Variants in MYO3B observed in about 807,000 individuals in gnomAD.
MYO3B encodes myosin IIIB, also known as myosin-IIIb.
MYO3B carries 156 observed loss-of-function variants against 174.6 expected under a neutral mutation model. The ratio of observed to expected loss-of-function variants is 0.89; its 90% CI spans 0.78 to 1.02. MYO3B has a LOEUF of 1.02. Among genes scored for constraint, MYO3B ranks in the 50% least tolerant of loss-of-function variants. The pLI, the probability that MYO3B is intolerant of heterozygous loss-of-function variation, is 0.00. For missense variants in MYO3B, 1,632 were observed against 1,639.4 expected, an observed-to-expected ratio of 1.00 and a Z score of 0.08; for synonymous variants, 563 against 569.1, an observed-to-expected ratio of 0.99 and a Z score of 0.15.
chr2:170,628,349 G>T (rs1696644382), intron 32 of MYO3B, among the ~76,000 whole-genome samples: 1 of 152,220 alleles, frequency 6.6e-6, no homozygotes, highest in African/African-American at 2.4e-5. Flanking sequence ...TCTGAGCCAG[G>T]CGCAGGATAT....
intron 23 of MYO3B, among the ~76,000 whole-genome samples, chr2:170,446,793 G>T (rs13410920): frequency 0.012 from 1,779 of 152,186 alleles, 32 homozygotes; most frequent in African/African-American, 0.04. Flanking sequence ...ATTAACAAGA[G>T]AAAAGCCTAC....
intron 7 of MYO3B, among the ~76,000 whole-genome samples, chr2:170,330,591 A>G (rs1213367931): frequency 1.3e-5 from 2 of 152,236 alleles, no homozygotes; most frequent in Non-Finnish European, 2.9e-5. Context: ...AGCACTCAAC[A>G]TATGATGGTT....
chr2:170,641,306 C>T (rs1697930080), intron 32 of MYO3B: 1 of 152,166 alleles, frequency 6.6e-6, no homozygotes, highest in Admixed American at 6.5e-5. Context: ...TAAGAACCAT[C>T]TCATGCTGGT....
intron 1 of MYO3B, among the ~76,000 whole-genome samples, chr2:170,188,087 T>G (rs72884056): frequency 0.089 from 13,600 of 152,230 alleles, 852 homozygotes; most frequent in Non-Finnish European, 0.13. Flanking sequence ...AGCTATTAAT[T>G]TATTGGAGCC....
At chr2:170,324,102 A>G (rs1201112969) in intron 7 of MYO3B, among the ~76,000 whole-genome samples, 1 of 152,286 alleles carries the variant, frequency 6.6e-6, no homozygotes, top group African/African-American at 2.4e-5. Flanking sequence ...CTAGAGGCAG[A>G]GCGACAGGAA....
chr2:170,399,486 A>AG (rs1423045863), intron 16 of MYO3B, among the ~76,000 whole-genome samples: 1 of 141,614 alleles, frequency 7.1e-6, no homozygotes, highest in Non-Finnish European at 1.6e-5. Context: ...AAAAAAAAAA[A>AG]AAGGTTAATT....
intron 28 of MYO3B, among the ~76,000 whole-genome samples, chr2:170,507,615 ACTC>A (rs1687692856): frequency 6.6e-6 from 1 of 150,640 alleles, no homozygotes; most frequent in East Asian, 2.0e-4. Context: ...CTGGTCTCAA[ACTC>A]CTGACCTCAA....
chr2:170,555,933 T>A (rs7585424), intron 32 of MYO3B, among the ~76,000 whole-genome samples: 1 of 151,704 alleles, frequency 6.6e-6, no homozygotes, highest in Non-Finnish European at 1.5e-5. Flanking sequence ...TGGTGGCTCA[T>A]GCTTGTAATC....
intron 7 of MYO3B, among the ~76,000 whole-genome samples, chr2:170,295,636 A>G (rs2093624540): frequency 6.6e-6 from 1 of 152,152 alleles, no homozygotes. Context: ...AGATGTATCC[A>G]TGTTGAGCCA....
rs116279238 is a variant in MYO3B at position 170,260,447 on chromosome 2, G to T, written c.749+24311G>T. On this transcript the variant is annotated intron_variant, in intron 7 of 34. Coordinates refer to ENST00000408978, the MANE Select transcript of MYO3B (RefSeq NM_138995.5). ...ATGCTATTATCCTAAGTGAATTAGT[G>T]CAGAAACAGAAAACTAAATGCCATA... 8.1e-3 allele frequency among the ~76,000 whole-genome samples: 1,240 copies of T among 152,334 alleles called. 7 individuals are homozygous for T. Among genetic ancestry groups the T allele is most frequent in the Non-Finnish European group, 0.012 (825 of 68,028 alleles).
intron 22 of MYO3B, among the ~76,000 whole-genome samples, chr2:170,409,116 G>T (rs1459787378): frequency 6.6e-6 from 1 of 152,172 alleles, no homozygotes; most frequent in East Asian, 1.9e-4. Flanking sequence ...CTCTTCAGCT[G>T]GCATTTACAT....
chr2:170,187,811 A>C (rs542710570), intron 1 of MYO3B, among the ~76,000 whole-genome samples: 1 of 152,224 alleles, frequency 6.6e-6, no homozygotes, highest in Admixed American at 6.6e-5. Flanking sequence ...TTCTAGTTTT[A>C]ATCCGTCATG....
rs1302739229 is a variant in MYO3B at position 170,293,409 on chromosome 2, A to C, written c.750-41976A>C. On this transcript the variant is annotated intron_variant, in intron 7 of 34. Transcript: ENST00000408978. ...CTGCTTATTTCTTATATTATGTTGA[A>C]TAAAGTGGTGACAATGGGCATCTGT... 2.0e-5 allele frequency among the ~76,000 whole-genome samples: 3 copies of C among 152,188 alleles called. No individual in the cohort carries two copies. The East Asian group carries it at 5.8e-4, about 29-fold the overall frequency.
intron 32 of MYO3B, among the ~76,000 whole-genome samples, chr2:170,650,147 C>G (rs1340272557): frequency 6.7e-6 from 1 of 150,054 alleles, no homozygotes; most frequent in African/African-American, 2.5e-5. Flanking sequence ...ATTCTCCTGC[C>G]TCAGCCTCTC....
At position 170,206,550 on chromosome 2, in the gene MYO3B, A is replaced by T. The variant is rs1382183412; in HGVS notation, c.321+6266A>T. On this transcript the variant is annotated intron_variant, in intron 3 of 34. Coordinates refer to ENST00000408978, the MANE Select transcript of MYO3B (RefSeq NM_138995.5). The surrounding 1 kb of genome is among the most constrained non-coding windows in gnomAD (Gnocchi z 4.3). The stretch of plus-strand genomic sequence containing the variant: ...AACTAAACTGGGTTCTTGAGCCCCC[A>T]GCCTGACTAAAGGAGGCAACTGATT... Among the ~76,000 whole-genome samples, 2 of 152,222 alleles carry T rather than the reference A, an allele frequency of 1.3e-5. No homozygotes were observed. The highest frequency in any genetic ancestry group is 1.3e-4 in the Admixed American group (2 of 15,274).
chr2:170,379,877 A>T (rs766500018), intron 9 of MYO3B, among the ~76,000 whole-genome samples: 1 of 152,214 alleles, frequency 6.6e-6, no homozygotes, highest in Non-Finnish European at 1.5e-5. Context: ...TCAGTGATGG[A>T]GATTGAAAGG....
rs544606271 is a variant in MYO3B at position 170,356,796 on chromosome 2, A to G, written c.816-12426A>G. 1.9e-4 allele frequency among the ~76,000 whole-genome samples: 29 copies of G among 151,964 alleles called. No homozygotes were observed. In the South Asian group the frequency reaches 6.0e-3, roughly 31 times the overall value. On this transcript the variant is annotated intron_variant, in intron 8 of 34. Transcript: ENST00000408978. ...ATTTTTATCTTTAAAAAAATGTTTT[A>G]AGACAAGGTCTCACCCTGTGGCCCA... is the stretch of plus-strand genomic sequence containing the variant.
intron 7 of MYO3B, among the ~76,000 whole-genome samples, chr2:170,253,319 A>G (rs1325586558): frequency 6.6e-6 from 1 of 152,200 alleles, no homozygotes; most frequent in Admixed American, 6.5e-5. Context: ...GGACTTACTG[A>G]AAATCTCAAG....
intron 7 of MYO3B, among the ~76,000 whole-genome samples, chr2:170,252,132 A>C (rs893970600): frequency 1.3e-5 from 2 of 152,216 alleles, no homozygotes; most frequent in Non-Finnish European, 2.9e-5. Context: ...TGCCTTGATG[A>C]TAATGCACTT....
Sources: gnomAD v4.1 joint callset for allele counts (sites outside exome capture counted in the v4.1 genomes callset) on GRCh38, gnomAD v4.1.1 for gene constraint, Gnocchi (gnomAD v3.1) non-coding constraint, MANE v1.5 for transcripts, NCBI Gene and HGNC (gene_info 2026-07-23, HGNC 2026-07-21) for gene names.